The following CCDC192 variants were observed in gnomAD, a reference collection of about 807,000 sequenced individuals.
CCDC192 encodes the protein coiled-coil domain containing 192.
intron 6 of CCDC192, among the ~76,000 whole-genome samples, chr5:127,900,394 T>C (rs1444174783): frequency 6.6e-6 from 1 of 152,152 alleles, no homozygotes; most frequent in African/African-American, 2.4e-5. Context: ...TTCAAGGATA[T>C]AGGATGAGAT....
At chr5:127,753,854 G>A (rs866827918) in intron 2 of CCDC192, among the ~76,000 whole-genome samples, 1 of 152,162 alleles carries the variant, frequency 6.6e-6, no homozygotes, top group African/African-American at 2.4e-5. Context: ...AGGAAACAGG[G>A]TTTCTCTGAG....
At chr5:127,939,369 A>C (rs1754302243) in intron 6 of CCDC192, among the ~76,000 whole-genome samples, 1 of 151,992 alleles carries the variant, frequency 6.6e-6, no homozygotes, top group African/African-American at 2.4e-5. Flanking sequence ...CACCTGCTTC[A>C]GCCTCCCAAA....
At chr5:127,910,451 C>A (rs1190791004) in intron 6 of CCDC192, among the ~76,000 whole-genome samples, 1 of 152,152 alleles carries the variant, frequency 6.6e-6, no homozygotes, top group Non-Finnish European at 1.5e-5. Context: ...GTGCATCCAT[C>A]TTTACTAGCA....
chr5:127,763,946 A>G (rs939450131), intron 3 of CCDC192, among the ~76,000 whole-genome samples: 1 of 151,992 alleles, frequency 6.6e-6, no homozygotes, highest in African/African-American at 2.4e-5. Context: ...TCTTCCTTCA[A>G]GTTTGGGTTA....
intron 5 of CCDC192, among the ~76,000 whole-genome samples, chr5:127,858,099 G>A (rs755944733): frequency 6.6e-5 from 10 of 152,052 alleles, no homozygotes; most frequent in Non-Finnish European, 1.3e-4. Flanking sequence ...TAATATATAC[G>A]AAACACCTAG....
At chr5:127,829,215 G>T (rs1236015466) in intron 5 of CCDC192, among the ~76,000 whole-genome samples, 1 of 152,162 alleles carries the variant, frequency 6.6e-6, no homozygotes, top group Non-Finnish European at 1.5e-5. Context: ...TGAACACACT[G>T]CCTTTTGGAA....
intron 5 of CCDC192, among the ~76,000 whole-genome samples, chr5:127,866,464 T>C (rs571044183): frequency 6.8e-6 from 1 of 147,710 alleles, no homozygotes; most frequent in East Asian, 2.0e-4. Flanking sequence ...TTTTGTTTGT[T>C]TCCAGACACA....
chr5:127,745,745 G>A (rs919174573), intron 2 of CCDC192, among the ~76,000 whole-genome samples: 1 of 152,152 alleles, frequency 6.6e-6, no homozygotes, highest in African/African-American at 2.4e-5. Flanking sequence ...ATAACAGACT[G>A]TTGATTAGTA....
At chr5:127,707,312 TAGAGAGAGA>T (rs750711849) in intron 1 of CCDC192, among the ~76,000 whole-genome samples, 71 of 151,630 alleles carry the variant, frequency 4.7e-4, no homozygotes, top group South Asian at 1.2e-3. Flanking sequence ...ATCCAGGAGA[TAGAGAGAGA>T]AGAGAGAGGG....
intron 3 of CCDC192, among the ~76,000 whole-genome samples, chr5:127,779,950 C>T (rs758699002): frequency 1.7e-4 from 26 of 152,014 alleles, no homozygotes; most frequent in Non-Finnish European, 3.8e-4. Context: ...ATCCTCATAG[C>T]TTAGCTCCCA....
rs941179940 is a variant in CCDC192, at chr5:127,941,306, G to A, written c.660G>A (p.Leu220=). Residue 220 remains leucine (L), a synonymous_variant, in exon 7 of 7, where the codon CTG becomes CTA. Coordinates refer to ENST00000514853, the MANE Select transcript of CCDC192 (RefSeq NM_001317938.2). ...TTCAGACTGAGAGAATTACTCAGCT[G>A]AAAGAAGTTTTGGAGGAAAAGGAAA... The part of the protein sequence containing the change: ...VSLQTERITQ[L]KEVLEEKERK... 4.5e-5 allele frequency: 18 copies of A among 398,946 alleles called. No individual in the cohort carries two copies. The highest frequency in any genetic ancestry group is 7.5e-5 in the Non-Finnish European group (17 of 226,086). The allele number at this position is 398,946 out of a possible 1,614,324, so 24.7% of individuals were successfully genotyped here.
chr5:127,718,095 G>A (rs561232839), intron 2 of CCDC192, among the ~76,000 whole-genome samples: 1 of 152,016 alleles, frequency 6.6e-6, no homozygotes, highest in Non-Finnish European at 1.5e-5. Flanking sequence ...AATGAGGTTG[G>A]CCAAATATCT....
chr5:127,834,231 A>G (rs1359793754), intron 5 of CCDC192, among the ~76,000 whole-genome samples: 2 of 152,132 alleles, frequency 1.3e-5, no homozygotes, highest in Admixed American at 6.6e-5. Flanking sequence ...TAGTTCCCCC[A>G]TATATTAACC....
intron 2 of CCDC192, among the ~76,000 whole-genome samples, chr5:127,733,951 G>A (rs1011244396): frequency 1.4e-5 from 2 of 145,178 alleles, no homozygotes; most frequent in African/African-American, 5.2e-5. Context: ...TATACTTTAA[G>A]TTTTAGGGTA....
At chr5:127,921,611 G>T (rs1261129227) in intron 6 of CCDC192, among the ~76,000 whole-genome samples, 1 of 152,178 alleles carries the variant, frequency 6.6e-6, no homozygotes, top group Non-Finnish European at 1.5e-5. Flanking sequence ...TGTAGAGTCA[G>T]GGAAGTCTTT....
intron 3 of CCDC192, among the ~76,000 whole-genome samples, chr5:127,763,170 T>A (rs1172377020): frequency 6.6e-6 from 1 of 152,178 alleles, no homozygotes; most frequent in African/African-American, 2.4e-5. Flanking sequence ...TTATGTATAC[T>A]GAACAGCTCC....
chr5:127,811,628 A>G (rs1758088383), intron 5 of CCDC192, among the ~76,000 whole-genome samples: 1 of 152,182 alleles, frequency 6.6e-6, no homozygotes, highest in African/African-American at 2.4e-5. Context: ...CAAAGCTGTA[A>G]GCATTAGTTC....
At chr5:127,852,861 G>A (rs116563074) in intron 5 of CCDC192, among the ~76,000 whole-genome samples, 7,859 of 152,208 alleles carry the variant, frequency 0.052, 296 homozygotes, top group Middle Eastern at 0.12. Context: ...CTGGGAGGCC[G>A]AGGCGGGCAG....
At chr5:127,704,623 T>C (rs1263446747) in intron 1 of CCDC192, among the ~76,000 whole-genome samples, 1 of 152,180 alleles carries the variant, frequency 6.6e-6, no homozygotes, top group African/African-American at 2.4e-5. Context: ...TAAAATGTTG[T>C]TTATTTGTGC....
Sources: gnomAD v4.1 joint callset for allele counts (sites outside exome capture counted in the v4.1 genomes callset) on GRCh38, gnomAD v4.1.1 for gene constraint, MANE v1.5 for transcripts, NCBI Gene and HGNC (gene_info 2026-07-23, HGNC 2026-07-21) for gene names.